Variants in RNF11 observed in about 807,000 individuals in gnomAD.
The protein encoded by RNF11 is ring finger protein 11.
Under a neutral mutation model 15.8 loss-of-function variants are expected in RNF11, and 4 were observed. The ratio of observed to expected loss-of-function variants is 0.25; its 90% CI spans 0.12 to 0.58. The LOEUF is 0.58. Among genes scored for constraint, RNF11 ranks in the 20% least tolerant of loss-of-function variants. The pLI is 0.91. For missense variants in RNF11, 139 were observed against 194.4 expected (o/e 0.71, Z 1.70); for synonymous variants, 68 against 72.3 (o/e 0.94, Z 0.30).
intron 1 of RNF11, among the ~76,000 whole-genome samples, chr1:51,242,445 G>A (rs1646833906): frequency 6.7e-6 from 1 of 148,856 alleles, no homozygotes; most frequent in Non-Finnish European, 1.5e-5. Flanking sequence ...GGGCAACAAA[G>A]TGAGACCCCC....
chr1:51,241,140 A>G (rs1401334489), intron 1 of RNF11, among the ~76,000 whole-genome samples: 1 of 152,112 alleles, frequency 6.6e-6, no homozygotes, highest in Non-Finnish European at 1.5e-5. Context: ...AATTTAAAAA[A>G]TAGAGACAGG....
chr1:51,237,412 T>TTG (rs202164788), intron 1 of RNF11, among the ~76,000 whole-genome samples: 34 of 143,228 alleles, frequency 2.4e-4, no homozygotes, highest in South Asian at 8.8e-4. Context: ...ATCGAGTTAC[T>TTG]TGTGTGTGTG....
At chr1:51,243,825 G>A (rs1259851005) in intron 1 of RNF11, among the ~76,000 whole-genome samples, 1 of 152,162 alleles carries the variant, frequency 6.6e-6, no homozygotes, top group Non-Finnish European at 1.5e-5. Context: ...TACTTTTTCA[G>A]CTCTTCATAG....
rs1428544810 is a variant in RNF11, at chr1:51,237,542, G to A, written c.123+663G>A. 2.0e-5 allele frequency among the ~76,000 whole-genome samples: 3 copies of A among 151,294 alleles called. No homozygotes were observed. The East Asian group carries it at 5.8e-4, about 29-fold the overall frequency. Reference sequence around the variant, plus strand: ...TAAACGTGCTGACTTAAGAAAACTTGATTAGCTTGAACTTTGGAAACCTTT... The same window carrying A: ...TAAACGTGCTGACTTAAGAAAACTTAATTAGCTTGAACTTTGGAAACCTTT... On this transcript the variant is annotated intron_variant, in intron 1 of 2. Coordinates refer to ENST00000242719, the MANE Select transcript of RNF11 (RefSeq NM_014372.5).
intron 1 of RNF11, among the ~76,000 whole-genome samples, chr1:51,241,499 C>A (rs34532055): frequency 0.041 from 6,218 of 152,196 alleles, 191 homozygotes; most frequent in Non-Finnish European, 0.061. Context: ...TTAAATACAG[C>A]AATTGGTTTA....
intron 1 of RNF11, chr1:51,251,245 C>G: frequency 1.5e-6 from 2 of 1,327,012 alleles, no homozygotes; most frequent in Non-Finnish European, 2.1e-6. Context: ...TAGATCTCCT[C>G]CAGGGACTTG....
At position 51,271,205 on chromosome 1, in the gene RNF11, G is replaced by A. The variant is rs184735168; in HGVS notation, c.348G>A (p.Pro116=). Residue 116 remains proline, a synonymous_variant, in exon 3 of 3, where the codon CCG becomes CCA. Coordinates refer to ENST00000242719, the MANE Select transcript of RNF11 (RefSeq NM_014372.5). ...ATGGGGACCCAATTCGATTTCTGCC[G>A]TGCATGCACATCTATCACCTGGACT... ...FVYGDPIRFL[P]CMHIYHLDCI... 8.4e-5 allele frequency: 135 copies of A among 1,613,990 alleles called. No homozygotes were observed. The East Asian group carries it at 1.9e-3, about 23-fold the overall frequency.
intron 1 of RNF11, chr1:51,250,958 A>G (rs1038428296): frequency 7.6e-7 from 1 of 1,310,124 alleles, no homozygotes; most frequent in Non-Finnish European, 1.1e-6. Flanking sequence ...GGGGCTTGCC[A>G]ATCTTGTTCC....
rs571903616 is a variant in RNF11, at chr1:51,263,380, G to A, written c.124-6576G>A. Among the ~76,000 whole-genome samples the A allele has an allele frequency of 3.3e-5, 5 of 152,224 alleles. No homozygotes were observed. In the South Asian group the frequency reaches 1.0e-3, roughly 32 times the overall value. On this transcript the variant is annotated intron_variant, in intron 1 of 2. Coordinates refer to ENST00000242719, the MANE Select transcript of RNF11 (RefSeq NM_014372.5). ...TTTGAAAACATGCTAAGTGAAAGTC[G>A]AGCCACAAAAGACCACATATTAGTA... is the stretch of plus-strand genomic sequence containing the variant.
intron 1 of RNF11, among the ~76,000 whole-genome samples, chr1:51,266,403 C>CT (rs1351958067): frequency 1.8e-4 from 27 of 146,624 alleles, no homozygotes; most frequent in East Asian, 1.0e-3. Flanking sequence ...AGCAGTTTTT[C>CT]TTTTTTTTTT....
chr1:51,240,370 C>A (rs1646823053), intron 1 of RNF11, among the ~76,000 whole-genome samples: 1 of 152,074 alleles, frequency 6.6e-6, no homozygotes, highest in South Asian at 2.1e-4. Context: ...TTCTCACTGC[C>A]CCCTTAAACC....
chr1:51,262,674 G>C (rs1400438713), intron 1 of RNF11, among the ~76,000 whole-genome samples: 1 of 146,028 alleles, frequency 6.8e-6, no homozygotes, highest in Non-Finnish European at 1.5e-5. Context: ...AGCCTCCCAA[G>C]TAGTTGGGAT....
At chr1:51,255,996 A>G (rs1240770120) in intron 1 of RNF11, among the ~76,000 whole-genome samples, 1 of 152,208 alleles carries the variant, frequency 6.6e-6, no homozygotes. Context: ...CAATTTCTGC[A>G]AATGAGCCAG....
intron 1 of RNF11, among the ~76,000 whole-genome samples, chr1:51,254,285 CT>C (rs1646894447): frequency 6.6e-6 from 1 of 151,806 alleles, no homozygotes; most frequent in Non-Finnish European, 1.5e-5. Flanking sequence ...GAATGAATTC[CT>C]TTTTCTTTTT....
rs1426767276 is a variant in RNF11, at chr1:51,270,038, G to A, written c.206G>A (p.Arg69Lys). 8 of 1,613,554 alleles carry A rather than the reference G, an allele frequency of 5.0e-6. No homozygotes were observed. Among genetic ancestry groups the A allele is most frequent in the Admixed American group, 1.7e-5 (1 of 60,000 alleles). Reference sequence around the variant, plus strand: ...CAGCTGACTGAAGAGGAACAAATTAGGATAGCTCAAAGAATAGGTCTTATA... The same window carrying A: ...CAGCTGACTGAAGAGGAACAAATTAAGATAGCTCAAAGAATAGGTCTTATA... ...ATQLTEEEQI[R>K]IAQRIGLIQH... The change falls in exon 2 of 3, where the codon AGG (arginine) becomes AAG (lysine). Residue 69 changes from arginine (R) to lysine (K), a missense_variant. Arg to Lys is a conservative substitution (Grantham distance 26). Transcript: ENST00000242719.
At chr1:51,261,496 T>C (rs1646930518) in intron 1 of RNF11, among the ~76,000 whole-genome samples, 8 of 152,184 alleles carry the variant, frequency 5.3e-5, no homozygotes, top group Admixed American at 5.2e-4. Flanking sequence ...ATTTTGCTGT[T>C]GGAATATTTA....
chr1:51,251,038 C>G, intron 1 of RNF11: 1 of 1,516,398 alleles, frequency 6.6e-7, no homozygotes, highest in African/African-American at 1.4e-5. Flanking sequence ...ATGGCGGTGG[C>G]CACCTCCTTG....
chr1:51,250,321 A>G (rs1646870770), intron 1 of RNF11, among the ~76,000 whole-genome samples: 2 of 152,320 alleles, frequency 1.3e-5, no homozygotes, highest in East Asian at 1.9e-4. Flanking sequence ...GTATTTTCAT[A>G]GCAGTTTTCA....
Position 51,271,205 on chromosome 1 carries a change from G to T in RNF11, c.348G>T (p.Pro116=). ...FVYGDPIRFL[P]CMHIYHLDCI... is the part of the protein sequence containing the mutation. ...ATGGGGACCCAATTCGATTTCTGCC[G>T]TGCATGCACATCTATCACCTGGACT... is the stretch of plus-strand genomic sequence containing the variant. The change falls in exon 3 of 3, where the codon CCG becomes CCT. Residue 116 remains proline (P), a synonymous_variant. Transcript: ENST00000242719. 6.2e-7 allele frequency: 1 copy of T among 1,613,992 alleles called. No homozygotes were observed. The highest frequency in any genetic ancestry group is 8.5e-7 in the Non-Finnish European group (1 of 1,179,904).
Sources: allele counts gnomAD v4.1 joint callset (sites outside exome capture counted in the v4.1 genomes callset), GRCh38; gene constraint gnomAD v4.1.1; transcripts MANE v1.5; gene names NCBI Gene and HGNC (gene_info 2026-07-23, HGNC 2026-07-21).